Variants in BRINP3 observed in about 807,000 individuals in gnomAD.
The protein encoded by BRINP3 is BMP/retinoic acid inducible neural specific 3.
In BRINP3, 19 loss-of-function variants were observed where a neutral mutation model predicts 71.0. The ratio of observed to expected loss-of-function variants is 0.27; its 90% confidence interval spans 0.19 to 0.39. The LOEUF (loss-of-function observed/expected upper bound fraction) is 0.39. Ranked by LOEUF, BRINP3 falls within the 10% of genes least tolerant of loss-of-function variation. The probability of loss-of-function intolerance (pLI) is 1.00; values close to 1 mark genes in which losing one functional copy is unlikely to be tolerated. For synonymous variants in BRINP3, 380 were observed against 337.7 expected, an observed-to-expected ratio of 1.13 and a Z score of -1.37; for missense variants, 959 against 940.8, an observed-to-expected ratio of 1.02 and a Z score of -0.25.
intron 6 of BRINP3, among the ~76,000 whole-genome samples, chr1:190,195,833 T>C (rs981785267): frequency 2.6e-5 from 4 of 152,096 alleles, no homozygotes; most frequent in African/African-American, 7.2e-5. Flanking sequence ...TATAACTATA[T>C]CCATAATTGG....
Position 190,098,130 on chromosome 1 carries a change from T to C in BRINP3, c.2189A>G (p.His730Arg), listed in dbSNP as rs766863519. Reference protein sequence around the residue: ...RLDLFSCLLRHRLKLSTSEVV... With the variant: ...RLDLFSCLLRRRLKLSTSEVV... Reference sequence around the variant, plus strand: ...CTCACTAGTAGACAGCTTGAGTCTATGACGAAGCAAGCAAGAGAAAAGATC... The same window carrying C: ...CTCACTAGTAGACAGCTTGAGTCTACGACGAAGCAAGCAAGAGAAAAGATC... Residue 730 changes from histidine to arginine, a missense_variant, in exon 8 of 8, where the codon CAT becomes CGT. His to Arg is a conservative substitution (Grantham distance 29). Transcript: ENST00000367462. 2.2e-5 allele frequency: 36 copies of C among 1,614,022 alleles called. No homozygotes were observed. Among genetic ancestry groups the C allele is most frequent in the Non-Finnish European group, 3.1e-5 (36 of 1,180,042 alleles).
rs1179942303 is a variant in BRINP3 at position 190,305,981 on chromosome 1, T to C, written c.237-24231A>G. On this transcript the variant is annotated intron_variant, in intron 2 of 7. Coordinates refer to ENST00000367462, the MANE Select transcript of BRINP3 (RefSeq NM_199051.3). ...TACTATATGTCCTATCACATGCACA[T>C]ACTTATAACAATAAAATATTGTTTC... 2.0e-5 allele frequency among the ~76,000 whole-genome samples: 3 copies of C among 151,864 alleles called. No homozygotes were observed. The East Asian group carries it at 5.8e-4, about 29-fold the overall frequency.
chr1:190,156,536 GTCATT>G (rs2102442479), intron 7 of BRINP3, among the ~76,000 whole-genome samples: 1 of 150,464 alleles, frequency 6.6e-6, no homozygotes, highest in South Asian at 2.1e-4. Context: ...TTTTCCTGAT[GTCATT>G]TCATATTATT....
chr1:190,452,012 T>C (rs1675641330), intron 2 of BRINP3, among the ~76,000 whole-genome samples: 1 of 152,214 alleles, frequency 6.6e-6, no homozygotes, highest in Non-Finnish European at 1.5e-5. Flanking sequence ...ATAGTAATAA[T>C]AAGCACTAGT....
At chr1:190,165,277 A>T (rs1173715246) in intron 6 of BRINP3, among the ~76,000 whole-genome samples, 4 of 152,032 alleles carry the variant, frequency 2.6e-5, no homozygotes, top group African/African-American at 9.6e-5. Context: ...GTTTGTGAAC[A>T]TAGGATTTCT....
intron 2 of BRINP3, among the ~76,000 whole-genome samples, chr1:190,360,143 C>T (rs572865960): frequency 7.9e-5 from 12 of 152,236 alleles, no homozygotes; most frequent in African/African-American, 2.9e-4. Context: ...CTTTTCAAAG[C>T]CAGTAAACAT....
intron 2 of BRINP3, among the ~76,000 whole-genome samples, chr1:190,330,620 C>T (rs181552197): frequency 6.2e-4 from 94 of 152,044 alleles, no homozygotes; most frequent in Middle Eastern, 6.8e-3. Flanking sequence ...CCCAGCAATC[C>T]CATTACTGGG....
At chr1:190,451,074 A>G (rs1675574088) in intron 2 of BRINP3, among the ~76,000 whole-genome samples, 1 of 152,178 alleles carries the variant, frequency 6.6e-6, no homozygotes. Flanking sequence ...TCAAGTTGTG[A>G]TAATATGACA....
chr1:190,113,782 A>G (rs1180636003), intron 7 of BRINP3, among the ~76,000 whole-genome samples: 1 of 152,170 alleles, frequency 6.6e-6, no homozygotes, highest in Non-Finnish European at 1.5e-5. Context: ...TGGATTTGAG[A>G]TATGAAATGA....
At chr1:190,290,588 A>G (rs1169547754) in intron 2 of BRINP3, among the ~76,000 whole-genome samples, 1 of 152,134 alleles carries the variant, frequency 6.6e-6, no homozygotes, top group Non-Finnish European at 1.5e-5. Flanking sequence ...ACTAGTGTTC[A>G]TTAAACATTT....
intron 7 of BRINP3, among the ~76,000 whole-genome samples, chr1:190,134,521 A>G (rs1175881219): frequency 6.6e-6 from 1 of 152,130 alleles, no homozygotes; most frequent in East Asian, 1.9e-4. Context: ...AATGACAAAG[A>G]CTAGTTATGA....
intron 2 of BRINP3, among the ~76,000 whole-genome samples, chr1:190,412,559 T>G (rs1571986155): frequency 2.1e-5 from 3 of 145,370 alleles, no homozygotes; most frequent in Non-Finnish European, 3.0e-5. Context: ...GCCTCCCGGG[T>G]TCACGCCATT....
intron 6 of BRINP3, among the ~76,000 whole-genome samples, chr1:190,203,205 T>G (rs1224675605): frequency 6.6e-6 from 1 of 152,044 alleles, no homozygotes; most frequent in Non-Finnish European, 1.5e-5. Flanking sequence ...TAATATGAAG[T>G]GTAGTTATAA....
At chr1:190,152,893 A>G (rs112876466) in intron 7 of BRINP3, among the ~76,000 whole-genome samples, 4,705 of 152,228 alleles carry the variant, frequency 0.031, 221 homozygotes, top group African/African-American at 0.11. Flanking sequence ...ATACATATAA[A>G]TGAGTTTAAA....
chr1:190,338,208 T>C (rs532887539), intron 2 of BRINP3, among the ~76,000 whole-genome samples: 1 of 152,186 alleles, frequency 6.6e-6, no homozygotes, highest in South Asian at 2.1e-4. Context: ...ACATCTTTTC[T>C]TTTGCTGTAG....
At chr1:190,201,063 T>C (rs931611223) in intron 6 of BRINP3, among the ~76,000 whole-genome samples, 1 of 151,876 alleles carries the variant, frequency 6.6e-6, no homozygotes, top group Non-Finnish European at 1.5e-5. Context: ...GTTGGAACAG[T>C]TTGGAGGGCT....
intron 2 of BRINP3, among the ~76,000 whole-genome samples, chr1:190,290,848 T>G (rs1248081477): frequency 1.3e-5 from 2 of 151,830 alleles, no homozygotes; most frequent in African/African-American, 4.8e-5. Context: ...GATAGCAACT[T>G]TGATTGAAAG....
chr1:190,454,734 G>A lies in BRINP3; in HGVS notation c.157C>T (p.Pro53Ser). ...PFDWLLSDKGPFHRSQEYTDF... is the reference protein window; with the variant it reads ...PFDWLLSDKGSFHRSQEYTDF... ...GTGTATTCCTGTGAGCGATGGAAGG[G>A]TCCCTTATCAGAGAGGAGCCAGTCG... The change falls in exon 2 of 8, where the codon CCC (proline) becomes TCC (serine). Residue 53 changes from proline to serine, a missense_variant. By Grantham distance (74) the Pro-to-Ser change is moderately conservative. Transcript: ENST00000367462. 13 of 1,614,110 alleles carry A rather than the reference G, an allele frequency of 8.1e-6. No homozygotes were observed. The highest frequency in any genetic ancestry group is 1.6e-4 in the Middle Eastern group (1 of 6,062).
rs142060173 is a variant in BRINP3, at chr1:190,359,155, T to C, written c.237-77405A>G. Among the ~76,000 whole-genome samples, 218 of 151,916 alleles carry C rather than the reference T, an allele frequency of 1.4e-3. 1 individual carries two copies. The highest frequency in any genetic ancestry group is 2.0e-3 in the Non-Finnish European group (138 of 67,964). On this transcript the variant is annotated intron_variant, in intron 2 of 7. Transcript: ENST00000367462. The stretch of plus-strand genomic sequence containing the variant: ...CGCACAGGTACCCTAAAACTTAAAG[T>C]ATAATAACAAATAAAAAAATAAAAA...
Sources: allele counts gnomAD v4.1 joint callset (sites outside exome capture counted in the v4.1 genomes callset), GRCh38; gene constraint gnomAD v4.1.1; transcripts MANE v1.5; gene names NCBI Gene and HGNC (gene_info 2026-07-23, HGNC 2026-07-21).